The following LIMK1 variants were observed in gnomAD, a reference collection of about 807,000 sequenced individuals.
The protein encoded by LIMK1 is LIM motif-containing protein kinase.
Under a neutral mutation model 77.6 loss-of-function variants are expected in LIMK1, and 21 were observed. The observed-to-expected ratio is 0.27, with a 90% CI of 0.19 to 0.39. The LOEUF is 0.39. Among genes scored for constraint, LIMK1 ranks in the 10% least tolerant of loss-of-function variants. The pLI is 1.00. For synonymous variants in LIMK1, 358 were observed against 370.0 expected, an observed-to-expected ratio of 0.97 and a Z score of 0.37; for missense variants, 696 against 901.6, an observed-to-expected ratio of 0.77 and a Z score of 2.92.
At position 74,084,020 on chromosome 7, in the gene LIMK1, G is replaced by C; in HGVS notation, c.30G>C (p.Trp10Cys). Residue 10 changes from tryptophan (W) to cysteine (C), a missense_variant, in exon 1 of 16, where the codon TGG (tryptophan) becomes TGC (cysteine). Trp to Cys is a radical substitution (Grantham distance 215). Transcript: ENST00000336180. Reference sequence around the variant, plus strand: ...GGTTGACGCTACTTTGTTGCACCTGGAGGGAAGAACGTATGGGAGAGGAAG... The same window carrying C: ...GGTTGACGCTACTTTGTTGCACCTGCAGGGAAGAACGTATGGGAGAGGAAG... Reference protein sequence around the residue: MRLTLLCCTWREERMGEEGS... With the variant: MRLTLLCCTCREERMGEEGS... The C allele has an allele frequency of 6.7e-7, 1 of 1,494,930 alleles. No homozygotes were observed. The highest frequency in any genetic ancestry group is 9.0e-7 in the Non-Finnish European group (1 of 1,116,952). The allele number at this position is 1,494,930 out of a possible 1,614,324, so 92.6% of individuals were successfully genotyped here.
chr7:74,094,855 TCC>T (rs1233273467), intron 2 of LIMK1, among the ~76,000 whole-genome samples: 63 of 151,532 alleles, frequency 4.2e-4, no homozygotes, highest in Admixed American at 3.3e-4. Context: ...TGGCCCAGCC[TCC>T]GCATTCCCCA....
intron 2 of LIMK1, among the ~76,000 whole-genome samples, chr7:74,091,803 G>A (rs782423054): frequency 9.9e-5 from 15 of 152,104 alleles, no homozygotes; most frequent in Non-Finnish European, 2.1e-4. Flanking sequence ...AGAGGATGTC[G>A]GGGGTAGGGC....
chr7:74,117,329 A>G (rs551649736), intron 13 of LIMK1, among the ~76,000 whole-genome samples: 13 of 152,024 alleles, frequency 8.6e-5, no homozygotes, highest in Non-Finnish European at 1.6e-4. Context: ...TCCTTCTGAT[A>G]GGGACCCTTA....
In LIMK1 at chr7:74,087,129, G is replaced by A. The variant is rs797038920; in HGVS notation, c.152+1285G>A. Reference sequence around the variant, plus strand: ...TAGAAAAGTAGAGTGGAGGTGGGGCGTGGTGGCTCACACCTATAATCCCAT... The same window carrying A: ...TAGAAAAGTAGAGTGGAGGTGGGGCATGGTGGCTCACACCTATAATCCCAT... On this transcript the variant is annotated intron_variant, in intron 2 of 15. Coordinates refer to ENST00000336180, the MANE Select transcript of LIMK1 (RefSeq NM_002314.4). Among the ~76,000 whole-genome samples the A allele has an allele frequency of 2.6e-5, 4 of 152,154 alleles. No individual in the cohort carries two copies. In the South Asian group the frequency reaches 8.3e-4, roughly 32 times the overall value.
chr7:74,112,080 C>T (rs540242161), intron 12 of LIMK1, 82 bp downstream of exon 12: 29 of 1,101,018 alleles, frequency 2.6e-5, no homozygotes, highest in Non-Finnish European at 3.7e-5. Context: ...CTTCCCAGAA[C>T]TGGAGGCCCC....
chr7:74,097,400 G>C (rs575000003), intron 4 of LIMK1, among the ~76,000 whole-genome samples: 41 of 152,362 alleles, frequency 2.7e-4, no homozygotes, highest in African/African-American at 8.7e-4. Context: ...AGACGGCCAG[G>C]CATGCTGGCT....
At chr7:74,111,467 T>A (rs1235587192) in intron 10 of LIMK1, 181 bp from the exon 11 acceptor site, 1 of 601,272 alleles carries the variant, frequency 1.7e-6, no homozygotes, top group Non-Finnish European at 3.0e-6. Context: ...ATAATGTCTG[T>A]GAGCTGTGTT....
chr7:74,119,457 G>T (rs1278522493), intron 13 of LIMK1, among the ~76,000 whole-genome samples: 1 of 151,600 alleles, frequency 6.6e-6, no homozygotes, highest in Non-Finnish European at 1.5e-5. Flanking sequence ...GGGATTACAG[G>T]TGTGAACCAC....
intron 2 of LIMK1, among the ~76,000 whole-genome samples, chr7:74,086,526 A>C (rs1249215063): frequency 6.6e-6 from 1 of 151,918 alleles, no homozygotes; most frequent in Non-Finnish European, 1.5e-5. Context: ...TGCTCAGCTA[A>C]TTTTTTAAAT....
chr7:74,108,596 C>T (rs1173508616), intron 9 of LIMK1, among the ~76,000 whole-genome samples: 12 of 149,366 alleles, frequency 8.0e-5, no homozygotes, highest in African/African-American at 3.0e-4. Context: ...TGCAGTGAGC[C>T]AAGATCGTGC....
intron 12 of LIMK1, 130 bp downstream of exon 12, chr7:74,112,128 T>A (rs1799712221): frequency 2.7e-6 from 2 of 734,378 alleles, no homozygotes; most frequent in Non-Finnish European, 4.5e-6. Context: ...GAGGTGGGGG[T>A]GGGGGGCAGC....
At position 74,096,713 on chromosome 7, in the gene LIMK1, G is replaced by A. The variant is rs781972785; in HGVS notation, c.244G>A (p.Glu82Lys). 1.5e-5 allele frequency: 24 copies of A among 1,613,604 alleles called. No individual in the cohort carries two copies. The East Asian group carries it at 1.6e-4, about 10-fold the overall frequency. Residue 82 changes from glutamate (E) to lysine (K), a missense_variant, in exon 3 of 16, where the codon GAG becomes AAG. Coordinates refer to ENST00000336180, the MANE Select transcript of LIMK1 (RefSeq NM_002314.4). ...GAAGGACTACTGGGCCCGCTATGGC[G>A]AGTCCTGCCATGGGTGCTCTGAGCA... ...CKKDYWARYG[E>K]SCHGCSEQIT...
intron 5 of LIMK1, among the ~76,000 whole-genome samples, chr7:74,101,232 TG>T (rs1208394162): frequency 6.6e-6 from 1 of 152,204 alleles, no homozygotes; most frequent in African/African-American, 2.4e-5. Context: ...AGCAGACAGC[TG>T]CTTGAAAGAG....
At chr7:74,091,549 GCA>G (rs1799235840) in intron 2 of LIMK1, among the ~76,000 whole-genome samples, 1 of 152,192 alleles carries the variant, frequency 6.6e-6, no homozygotes, top group African/African-American at 2.4e-5. Context: ...CAAATGAGGT[GCA>G]GAGTTCAGTC....
chr7:74,106,432 C>CT (rs1799575778), intron 7 of LIMK1, among the ~76,000 whole-genome samples, 189 bp downstream of exon 7: 1 of 151,782 alleles, frequency 6.6e-6, no homozygotes, highest in South Asian at 2.1e-4. Flanking sequence ...AAGACCCACT[C>CT]TCAAAAAAAA....
Position 74,096,776 on chromosome 7 carries a change from C to G in LIMK1, c.291+16C>G. On this transcript the variant is annotated intron_variant, in intron 3 of 15. Transcript: ENST00000336180. ...ACTGGTTATGGTGAGCGCCCCCTGC[C>G]TTGCACACTCACCTGGGGTGGGGGT... 7 of 1,576,578 alleles carry G rather than the reference C, an allele frequency of 4.4e-6. No individual in the cohort carries two copies. Among genetic ancestry groups the G allele is most frequent in the East Asian group, 4.5e-5 (2 of 44,368 alleles).
chr7:74,087,358 C>T (rs1340805121), intron 2 of LIMK1, among the ~76,000 whole-genome samples: 1 of 151,918 alleles, frequency 6.6e-6, no homozygotes, highest in Non-Finnish European at 1.5e-5. Context: ...GAGCTATGAT[C>T]GCACCACTGC....
rs1554697346 is a variant in LIMK1, at chr7:74,105,864, C to G, written c.609-11C>G. On this transcript the variant is annotated splice_polypyrimidine_tract_variant and intron_variant, in intron 5 of 15. Transcript: ENST00000336180. ...AGGTGGGCACTGGCCTGACCCCTGC[C>G]TTACCCACAGAGTGGATCCGGGCTG... The G allele has an allele frequency of 1.2e-6, 2 of 1,610,564 alleles. No homozygotes were observed. The highest frequency in any genetic ancestry group is 1.7e-6 in the Non-Finnish European group (2 of 1,177,492).
chr7:74,092,557 C>T (rs571494225), intron 2 of LIMK1, among the ~76,000 whole-genome samples: 7 of 152,216 alleles, frequency 4.6e-5, no homozygotes, highest in Admixed American at 1.3e-4. Flanking sequence ...CCCTGCCTCC[C>T]GGAAGGTTAT....
Sources: gnomAD v4.1 joint callset for allele counts (sites outside exome capture counted in the v4.1 genomes callset) on GRCh38, gnomAD v4.1.1 for gene constraint, MANE v1.5 for transcripts, NCBI Gene and HGNC (gene_info 2026-07-23, HGNC 2026-07-21) for gene names.